The following PPFIA1 variants were observed in gnomAD, a reference collection of about 807,000 sequenced individuals.
PPFIA1 encodes liprin-alpha-1.
Under a neutral mutation model 149.9 loss-of-function variants are expected in PPFIA1, and 25 were observed. The observed-to-expected ratio is 0.17, with a 90% CI of 0.12 to 0.23. The LOEUF is 0.23. Among genes scored for constraint, PPFIA1 ranks in the 10% least tolerant of loss-of-function variants. The pLI is 1.00. For missense variants in PPFIA1, 1,362 were observed against 1,506.5 expected (o/e 0.90, Z 1.59); for synonymous variants, 549 against 552.8 (o/e 0.99, Z 0.10).
At chr11:70,333,131 C>A (rs1282333281) in intron 9 of PPFIA1, 1 of 479,094 alleles carries the variant, frequency 2.1e-6, no homozygotes, top group South Asian at 1.5e-5. Context: ...CTTGTGCTTG[C>A]CGCTGCTTTC....
At chr11:70,317,996 G>T (rs2053733192) in intron 2 of PPFIA1, among the ~76,000 whole-genome samples, 1 of 152,018 alleles carries the variant, frequency 6.6e-6, no homozygotes, top group African/African-American at 2.4e-5. Context: ...CTCCCCTACT[G>T]GTCCATTATT....
At chr11:70,334,346 G>A (rs1365815461) in intron 10 of PPFIA1, 1 of 152,118 alleles carries the variant, frequency 6.6e-6, no homozygotes, top group Non-Finnish European at 1.5e-5. Flanking sequence ...ACTAGATTTT[G>A]TTTTCACCAG....
intron 16 of PPFIA1, among the ~76,000 whole-genome samples, chr11:70,353,850 C>T (rs2056208179): frequency 6.6e-6 from 1 of 152,174 alleles, no homozygotes; most frequent in Non-Finnish European, 1.5e-5. Flanking sequence ...TTCTTGCCCT[C>T]TCTAGTGTTT....
chr11:70,337,421 C>CTAT lies in PPFIA1; in HGVS notation c.1485_1486insTAT (p.His495_Asp496insTyr). 6.3e-7 allele frequency: 1 copy of CTAT among 1,590,374 alleles called. No individual in the cohort carries two copies. Among genetic ancestry groups the CTAT allele is most frequent in the Non-Finnish European group, 8.6e-7 (1 of 1,166,230 alleles). ...AAAAGCAGTTAGAAGAAACACAACA[C>CTAT]GATAAGGTACTGAAATCTTCTCTAA... is the stretch of plus-strand genomic sequence containing the variant. On this transcript the variant is annotated inframe_insertion, in exon 12 of 28. Transcript: ENST00000253925.
chr11:70,319,940 A>G (rs755525791), intron 2 of PPFIA1: 10 of 152,198 alleles, frequency 6.6e-5, no homozygotes, highest in Non-Finnish European at 1.0e-4. Context: ...ACTTCCCATC[A>G]TGGATGGCTT....
At chr11:70,322,621 A>G (rs867207507) in intron 2 of PPFIA1, among the ~76,000 whole-genome samples, 1 of 152,206 alleles carries the variant, frequency 6.6e-6, no homozygotes, top group African/African-American at 2.4e-5. Flanking sequence ...GCAAGTATGC[A>G]CTGAAATACT....
intron 26 of PPFIA1, 123 bp from the exon 27 acceptor site, chr11:70,381,965 T>G: frequency 1.3e-6 from 1 of 791,690 alleles, no homozygotes; most frequent in Non-Finnish European, 2.1e-6. Flanking sequence ...GCAGCTCCCC[T>G]CAGGTCCCTC....
rs761181753 is a variant in PPFIA1 at position 70,374,956 on chromosome 11, A to C, written c.3178A>C (p.Ile1060Leu). The C allele has an allele frequency of 6.2e-7, 1 of 1,613,214 alleles. No homozygotes were observed. Among genetic ancestry groups the C allele is most frequent in the South Asian group, 1.1e-5 (1 of 90,882 alleles). ...GAGCAATGATCGAGTGATTCGCTGG[A>C]TCCTGTCAATTGGCCTTAAAGAATA... is the stretch of plus-strand genomic sequence containing the variant. Reference protein sequence around the residue: ...VWSNDRVIRWILSIGLKEYAN... With the variant: ...VWSNDRVIRWLLSIGLKEYAN... Residue 1060 changes from isoleucine to leucine, a missense_variant, in exon 24 of 28, where the codon ATC becomes CTC. By Grantham distance (5) the Ile-to-Leu change is conservative. This residue lies in a region of PPFIA1 where 349 missense variants were observed against 373.3 expected (regional missense o/e 0.93). Transcript: ENST00000253925.
chr11:70,284,727 T>C (rs951766980), intron 2 of PPFIA1, among the ~76,000 whole-genome samples: 1 of 152,104 alleles, frequency 6.6e-6, no homozygotes, highest in Admixed American at 6.6e-5. Context: ...AGAGCTTTCT[T>C]GGCGGTGGGG....
chr11:70,362,043 G>A, intron 19 of PPFIA1, 52 bp from the exon 20 acceptor site: 1 of 1,553,206 alleles, frequency 6.4e-7, no homozygotes, highest in Non-Finnish European at 8.9e-7. Flanking sequence ...TTACAGGTGT[G>A]AGCTACCATG....
At position 70,362,021 on chromosome 11, in the gene PPFIA1, A is replaced by G. The variant is rs1431664519; in HGVS notation, c.2583-74A>G. ...AGTGGTCCTCCTGCCTTGGCCTCCC[A>G]GAGAGCTGGGATTACAGGTGTGAGC... On this transcript the variant is annotated intron_variant, in intron 19 of 27. Transcript: ENST00000253925. 8 of 1,432,580 alleles carry G rather than the reference A, an allele frequency of 5.6e-6. No homozygotes were observed. The East Asian group carries it at 6.8e-5, about 12-fold the overall frequency. The allele number at this position is 1,432,580 out of a possible 1,614,324, so 88.7% of individuals were successfully genotyped here. A position where few individuals can be genotyped will look rare whatever the true frequency, so the allele number is the denominator to read the frequency against.
At chr11:70,377,711 A>G (rs767820635) in intron 25 of PPFIA1, among the ~76,000 whole-genome samples, 20 of 152,230 alleles carry the variant, frequency 1.3e-4, no homozygotes, top group Non-Finnish European at 4.4e-5. Context: ...AAGATAAATA[A>G]AAACGTATTA....
chr11:70,325,193 T>C, intron 4 of PPFIA1, 182 bp downstream of exon 4: 1 of 553,196 alleles, frequency 1.8e-6, no homozygotes, highest in Non-Finnish European at 2.9e-6. Context: ...AAATTACTAA[T>C]GTATATTGAT....
intron 2 of PPFIA1, among the ~76,000 whole-genome samples, chr11:70,295,043 C>T: frequency 6.6e-6 from 1 of 152,242 alleles, no homozygotes. Context: ...CATTGTCATC[C>T]TGGCCCGTTC....
chr11:70,276,333 G>T (rs2050380266), intron 2 of PPFIA1, among the ~76,000 whole-genome samples: 1 of 150,878 alleles, frequency 6.6e-6, no homozygotes, highest in African/African-American at 2.4e-5. Context: ...AGGAGCTCCT[G>T]AGAAAGAGCA....
At chr11:70,306,490 A>C (rs2052859517) in intron 2 of PPFIA1, among the ~76,000 whole-genome samples, 1 of 152,228 alleles carries the variant, frequency 6.6e-6, no homozygotes, top group Admixed American at 6.5e-5. Context: ...ACATAATTTT[A>C]GAAAAATCAA....
intron 2 of PPFIA1, among the ~76,000 whole-genome samples, chr11:70,286,953 CTATA>C (rs1555081003): frequency 6.8e-6 from 1 of 147,376 alleles, no homozygotes; most frequent in Non-Finnish European, 1.5e-5. Context: ...TACACATATA[CTATA>C]TATATACATA....
intron 2 of PPFIA1, among the ~76,000 whole-genome samples, chr11:70,289,311 G>GA (rs948300214): frequency 2.0e-5 from 3 of 151,712 alleles, no homozygotes; most frequent in Non-Finnish European, 4.4e-5. Flanking sequence ...GACAGAGCTA[G>GA]AAAAAAATGT....
chr11:70,291,791 C>G lies in PPFIA1; in HGVS notation c.264+19355C>G, dbSNP rs563447713. ...GCTCAGGTGATCCTCCCACCTCAGC[C>G]TCCCCAGTAGCTGGAACCACAGGCA... On this transcript the variant is annotated intron_variant, in intron 2 of 27. Transcript: ENST00000253925. 1.5e-3 allele frequency among the ~76,000 whole-genome samples: 228 copies of G among 152,056 alleles called. 1 individual carries two copies. The highest frequency in any genetic ancestry group is 5.3e-3 in the African/African-American group (221 of 41,466).
Sources: allele counts gnomAD v4.1 joint callset (sites outside exome capture counted in the v4.1 genomes callset), GRCh38; gene constraint gnomAD v4.1.1; regional missense constraint gnomAD v4.1.1; transcripts MANE v1.5; gene names NCBI Gene and HGNC (gene_info 2026-07-23, HGNC 2026-07-21).